Variants in FGF13 observed in about 807,000 individuals in gnomAD.
FGF13 encodes the protein fibroblast growth factor 13.
FGF13 carries 2 observed loss-of-function variants against 19.5 expected under a neutral mutation model. That is an observed-to-expected ratio of 0.10 (90% confidence interval 0.04 to 0.32). The LOEUF (loss-of-function observed/expected upper bound fraction) is 0.32, where lower values mean the gene tolerates loss of function less well. FGF13 is among the 10% of genes least tolerant of loss of function. The pLI is 1.00. For synonymous variants in FGF13, 72 were observed against 76.9 expected, an observed-to-expected ratio of 0.94 and a Z score of 0.33; for missense variants, 113 against 192.7, an observed-to-expected ratio of 0.59 and a Z score of 2.45.
chrX:138,744,570 G>T (rs139240677), intron 3 of FGF13, among the ~76,000 whole-genome samples: 266 of 111,420 alleles, frequency 2.4e-3, no homozygotes, highest in African/African-American at 8.2e-3. Context: ...CCATTCACTT[G>T]TCTCTCTTGT....
intron 1 of FGF13, among the ~76,000 whole-genome samples, chrX:138,919,525 C>T (rs774253740): frequency 6.2e-5 from 7 of 112,101 alleles, no homozygotes; most frequent in Admixed American, 2.8e-4. Flanking sequence ...ATTATTCAAA[C>T]GTCTTTCAAT....
At chrX:138,867,129 T>A (rs976712352) in intron 1 of FGF13, among the ~76,000 whole-genome samples, 1 of 111,368 alleles carries the variant, frequency 9.0e-6, no homozygotes, top group Admixed American at 9.6e-5. Flanking sequence ...CTATTCCCTA[T>A]GTATTAAGTA....
chrX:139,127,417 C>G (rs1463245421), intron 1 of FGF13, among the ~76,000 whole-genome samples: 2 of 111,629 alleles, frequency 1.8e-5, no homozygotes, highest in African/African-American at 3.3e-5. Flanking sequence ...GGTATCTTTA[C>G]CTGTGGCGGA....
At chrX:139,132,197 G>C (rs1052086475) in intron 1 of FGF13, among the ~76,000 whole-genome samples, 1 of 111,523 alleles carries the variant, frequency 9.0e-6, no homozygotes, top group Non-Finnish European at 1.9e-5. Context: ...TCTGGCTTCT[G>C]ACATTCTTCC....
At chrX:138,890,827 T>A (rs953893358) in intron 1 of FGF13, among the ~76,000 whole-genome samples, 1 of 111,885 alleles carries the variant, frequency 8.9e-6, no homozygotes, top group Non-Finnish European at 1.9e-5. Context: ...TAAAACAAGT[T>A]CCTAGGTCCA....
chrX:138,617,200 TAC>T lies in FGF13; in HGVS notation c.*15648_*15649del, dbSNP rs2088976705. ...ATATACCTAACAGGTTTGTATATGA[TAC>T]AGTATATAATTTTAGCTCCATTTCT... On this transcript the variant is annotated 3_prime_UTR_variant, in exon 5 of 5. Coordinates refer to ENST00000315930, the MANE Select transcript of FGF13 (RefSeq NM_004114.5). 8.9e-6 allele frequency: 1 copy of T among 112,067 alleles called. No individual in the cohort carries two copies. Among genetic ancestry groups the T allele is most frequent in the African/African-American group, 3.2e-5 (1 of 30,833 alleles). 9.2% of individuals were successfully genotyped at this position (112,067 alleles called of 1,213,427 possible).
At chrX:138,724,983 T>C (rs1422948164) in intron 1 of FGF13, among the ~76,000 whole-genome samples, 1 of 112,535 alleles carries the variant, frequency 8.9e-6, no homozygotes, top group Admixed American at 9.4e-5. Flanking sequence ...GCAACTTTTC[T>C]GTAAACTTAA....
Position 139,065,873 on chromosome X carries a change from T to A in FGF13, c.-113+137543A>T, listed in dbSNP as rs191389576. On this transcript the variant is annotated intron_variant, in intron 1 of 2. Coordinates refer to the FGF13 transcript ENST00000421460. ...CCCTAACTCAACAGAATATACATTC[T>A]TCTCAGCACCACATCGCACTTATTC... Among the ~76,000 whole-genome samples, 865 of 111,759 alleles carry A rather than the reference T, an allele frequency of 7.7e-3. 13 individuals carry two copies. The highest frequency in any genetic ancestry group is 0.026 in the African/African-American group (796 of 30,743).
chrX:138,827,048 T>A (rs942022153), intron 3 of FGF13, among the ~76,000 whole-genome samples: 1 of 112,574 alleles, frequency 8.9e-6, no homozygotes, highest in Non-Finnish European at 1.9e-5. Context: ...TTCCATTGGC[T>A]ACATTTTAAG....
chrX:138,780,224 C>T (rs189721000), intron 3 of FGF13, among the ~76,000 whole-genome samples: 2,790 of 108,328 alleles, frequency 0.026, 99 homozygotes, highest in African/African-American at 0.09. Context: ...CAAAATGAAA[C>T]GACCATCGAG....
chrX:139,001,321 CCAAAATTGA>C (rs1423923848), intron 1 of FGF13, among the ~76,000 whole-genome samples: 11 of 111,055 alleles, frequency 9.9e-5, no homozygotes, highest in Non-Finnish European at 1.7e-4. Flanking sequence ...GCAAGAAAAG[CCAAAATTGA>C]CAAGTGGGAT....
chrX:138,674,270 G>T (rs921594688), intron 3 of FGF13, among the ~76,000 whole-genome samples: 4 of 111,435 alleles, frequency 3.6e-5, no homozygotes, highest in African/African-American at 1.3e-4. Flanking sequence ...CCATATTATA[G>T]ATGAGAGAAC....
chrX:138,642,060 T>G (rs1372457446), intron 3 of FGF13, among the ~76,000 whole-genome samples: 2 of 110,663 alleles, frequency 1.8e-5, no homozygotes, highest in African/African-American at 6.6e-5. Context: ...AGGACTATTT[T>G]AAAGTAGATA....
intron 1 of FGF13, among the ~76,000 whole-genome samples, chrX:139,116,607 T>C (rs763966909): frequency 9.0e-6 from 1 of 111,702 alleles, no homozygotes; most frequent in Admixed American, 9.6e-5. Context: ...TAATTGTCTT[T>C]CCATGGAAAC....
chrX:139,068,940 A>G (rs1389624241), intron 1 of FGF13, among the ~76,000 whole-genome samples: 5 of 109,977 alleles, frequency 4.5e-5, no homozygotes, highest in South Asian at 3.9e-4. Flanking sequence ...TTAGAATGGC[A>G]ATCATTAAAA....
chrX:139,051,209 A>G (rs897948712), intron 1 of FGF13, among the ~76,000 whole-genome samples: 2 of 112,267 alleles, frequency 1.8e-5, no homozygotes, highest in African/African-American at 6.5e-5. Flanking sequence ...TAGGTCATTC[A>G]TCACTGGGCA....
chrX:138,738,307 A>C (rs1412131643), intron 1 of FGF13, among the ~76,000 whole-genome samples: 2 of 112,529 alleles, frequency 1.8e-5, no homozygotes, highest in African/African-American at 6.5e-5. Context: ...AGCAAGGTTA[A>C]GAGTTCTCTG....
intron 1 of FGF13, among the ~76,000 whole-genome samples, chrX:138,929,672 C>T (rs774750329): frequency 1.8e-5 from 2 of 111,435 alleles, no homozygotes; most frequent in African/African-American, 3.3e-5. Flanking sequence ...TCCTGAATCC[C>T]TGTCCCTTGT....
chrX:138,944,521 T>A lies in FGF13; in HGVS notation c.-112-79871A>T, dbSNP rs66598069. Among the ~76,000 whole-genome samples, 42 of 16,186 alleles carry A rather than the reference T, an allele frequency of 2.6e-3. No homozygotes were observed. The South Asian group carries it at 0.032, about 12-fold the overall frequency. The allele number at this position is 16,186 out of a possible 115,157, so 14.1% of individuals were successfully genotyped here. The stretch of plus-strand genomic sequence containing the variant: ...TGAGCAAAAAAAAAGAAAAAAAAAA[T>A]GAGAGAAGGAATTATTATGTGATAA... On this transcript the variant is annotated intron_variant, in intron 1 of 2. Coordinates refer to the FGF13 transcript ENST00000421460.
Sources: allele counts gnomAD v4.1 joint callset (sites outside exome capture counted in the v4.1 genomes callset), GRCh38; gene constraint gnomAD v4.1.1; transcripts MANE v1.5; gene names NCBI Gene and HGNC (gene_info 2026-07-23, HGNC 2026-07-21).